The following CRB1 variants were observed in gnomAD, a reference collection of about 807,000 sequenced individuals.
CRB1 encodes the protein protein crumbs homolog 1.
A neutral mutation model predicts 120.0 loss-of-function variants in CRB1; 83 were observed. That is an observed-to-expected ratio of 0.69 (90% CI 0.58 to 0.83). CRB1 has a LOEUF of 0.83. Among genes scored for constraint, CRB1 ranks in the 40% least tolerant of loss-of-function variants. CRB1 has a pLI of 0.00. For synonymous variants in CRB1, 625 were observed against 612.5 expected (o/e 1.02, Z -0.30); for missense variants, 1,699 against 1,687.6 (o/e 1.01, Z -0.12).
At chr1:197,329,289 G>T (rs780805590) in intron 2 of CRB1, among the ~76,000 whole-genome samples, 1 of 152,200 alleles carries the variant, frequency 6.6e-6, no homozygotes, top group South Asian at 2.1e-4. Flanking sequence ...CTCAAGGGCA[G>T]TTCAGGTTTC....
At chr1:197,332,744 G>A (rs1658936602) in intron 2 of CRB1, among the ~76,000 whole-genome samples, 2 of 152,160 alleles carry the variant, frequency 1.3e-5, no homozygotes, top group Admixed American at 1.3e-4. Context: ...GTATAGCCAG[G>A]GCTGGCGGCC....
chr1:197,451,907 T>C (rs1210613773), intron 11 of CRB1, among the ~76,000 whole-genome samples: 1 of 152,234 alleles, frequency 6.6e-6, no homozygotes, highest in Non-Finnish European at 1.5e-5. Flanking sequence ...AAACATTAGA[T>C]TGAATCATAT....
chr1:197,425,357 G>T (rs965499960), intron 6 of CRB1, among the ~76,000 whole-genome samples: 1 of 152,146 alleles, frequency 6.6e-6, no homozygotes, highest in Non-Finnish European at 1.5e-5. Context: ...TGAAAATATA[G>T]CCTTTTATGC....
intron 11 of CRB1, chr1:197,443,842 A>G (rs2125516711): frequency 6.6e-6 from 1 of 152,222 alleles, no homozygotes; most frequent in African/African-American, 2.4e-5. Flanking sequence ...TGTTTCCACC[A>G]GTACGTTATC....
the CRB1 span, among the ~76,000 whole-genome samples, chr1:197,204,394 C>A: frequency 1.3e-5 from 2 of 152,208 alleles, no homozygotes; most frequent in African/African-American, 4.8e-5. Flanking sequence ...ACATTCCCAC[C>A]AGTAGTGTAA....
chr1:197,456,579 C>T (rs1275523081), intron 11 of CRB1, among the ~76,000 whole-genome samples: 1 of 152,140 alleles, frequency 6.6e-6, no homozygotes, highest in East Asian at 1.9e-4. Context: ...AAGTGAGCCA[C>T]ACTGTCCATT....
chr1:197,398,358 T>C (rs946416994), intron 5 of CRB1, among the ~76,000 whole-genome samples: 5 of 152,152 alleles, frequency 3.3e-5, no homozygotes, highest in African/African-American at 9.7e-5. Context: ...TTGAGCATTG[T>C]AAACAAGGGC....
intron 1 of CRB1, among the ~76,000 whole-genome samples, chr1:197,275,288 A>G (rs1655140035): frequency 6.6e-6 from 1 of 152,068 alleles, no homozygotes; most frequent in Non-Finnish European, 1.5e-5. Flanking sequence ...TACCTTGGGG[A>G]CACAATTCAA....
At chr1:197,402,579 T>A (rs1663121563) in intron 5 of CRB1, among the ~76,000 whole-genome samples, 1 of 152,222 alleles carries the variant, frequency 6.6e-6, no homozygotes, top group Non-Finnish European at 1.5e-5. Context: ...CAGCTGTCTT[T>A]TATTGTTAAT....
At chr1:197,433,053 G>C (rs951052767) in intron 8 of CRB1, among the ~76,000 whole-genome samples, 1 of 146,844 alleles carries the variant, frequency 6.8e-6, no homozygotes, top group Non-Finnish European at 1.5e-5. Flanking sequence ...GCAAAATTTT[G>C]TCATGAATTT....
At chr1:197,307,223 A>C (rs1172318809) in intron 1 of CRB1, among the ~76,000 whole-genome samples, 1 of 152,186 alleles carries the variant, frequency 6.6e-6, no homozygotes, top group African/African-American at 2.4e-5. Context: ...TCAGTATTGC[A>C]GAGTTCAAGC....
At chr1:197,402,757 A>G (rs1346963212) in intron 5 of CRB1, among the ~76,000 whole-genome samples, 1 of 152,192 alleles carries the variant, frequency 6.6e-6, no homozygotes. Context: ...AATTACATAA[A>G]CCAAGTATTT....
chr1:197,244,674 C>CT, the CRB1 span, among the ~76,000 whole-genome samples: 841 of 151,898 alleles, frequency 5.5e-3, 7 homozygotes, highest in African/African-American at 0.019. Flanking sequence ...TATTTGTTCA[C>CT]CTTCTTGAAT....
intron 11 of CRB1, among the ~76,000 whole-genome samples, chr1:197,464,454 G>A (rs1402008968): frequency 1.3e-5 from 2 of 152,030 alleles, no homozygotes; most frequent in Non-Finnish European, 2.9e-5. Context: ...GAATAGAAAA[G>A]TTATAGACCC....
chr1:197,223,121 T>C, the CRB1 span: 11 of 856,716 alleles, frequency 1.3e-5, no homozygotes, highest in Non-Finnish European at 2.2e-5. Flanking sequence ...TTCAGTGATT[T>C]TCAACATGAT....
intron 4 of CRB1, among the ~76,000 whole-genome samples, chr1:197,349,371 CTT>C (rs1659957506): frequency 6.6e-6 from 1 of 152,148 alleles, no homozygotes; most frequent in African/African-American, 2.4e-5. Flanking sequence ...ATGCATGACT[CTT>C]TTTTAAAATC....
At chr1:197,362,929 T>G (rs1450938792) in intron 5 of CRB1, among the ~76,000 whole-genome samples, 1 of 152,132 alleles carries the variant, frequency 6.6e-6, no homozygotes, top group Non-Finnish European at 1.5e-5. Flanking sequence ...TATTATGTGT[T>G]TTCTGTTTGA....
the CRB1 span, among the ~76,000 whole-genome samples, chr1:197,229,941 A>C: frequency 2.6e-5 from 4 of 152,236 alleles, no homozygotes; most frequent in African/African-American, 9.6e-5. Flanking sequence ...ACAGGTTTTA[A>C]GATTCAGCCA....
At chr1:197,367,867 CT>C (rs1171159693) in intron 5 of CRB1, among the ~76,000 whole-genome samples, 1 of 152,172 alleles carries the variant, frequency 6.6e-6, no homozygotes, top group African/African-American at 2.4e-5. Context: ...GGCTTCAAAC[CT>C]CGGGCAAAAA....
Sources: allele counts gnomAD v4.1 joint callset (sites outside exome capture counted in the v4.1 genomes callset), GRCh38; gene constraint gnomAD v4.1.1; transcripts MANE v1.5; gene names NCBI Gene and HGNC (gene_info 2026-07-23, HGNC 2026-07-21).